Variants in PRKAR1B observed in about 807,000 individuals in gnomAD.
PRKAR1B encodes the protein cAMP-dependent protein kinase type I-beta regulatory subunit.
In PRKAR1B, 22 loss-of-function variants were observed where a neutral mutation model predicts 46.5. That is an observed-to-expected ratio of 0.47 (90% CI 0.34 to 0.68). The LOEUF is 0.68. Among genes scored for constraint, PRKAR1B ranks in the 30% least tolerant of loss-of-function variants. PRKAR1B has a pLI of 0.01. For synonymous variants in PRKAR1B, 259 were observed against 217.7 expected (o/e 1.19, Z -1.67); for missense variants, 445 against 535.6 (o/e 0.83, Z 1.67).
intron 4 of PRKAR1B, among the ~76,000 whole-genome samples, chr7:669,674 G>A (rs1264002818): frequency 6.6e-6 from 1 of 151,598 alleles, no homozygotes; most frequent in African/African-American, 2.4e-5. Context: ...TGAGGCAGGA[G>A]AATCACTTGA....
At chr7:552,568 C>T (rs1784312439) in intron 9 of PRKAR1B, among the ~76,000 whole-genome samples, 1 of 152,246 alleles carries the variant, frequency 6.6e-6, no homozygotes, top group African/African-American at 2.4e-5. Context: ...TTCCCGGCAC[C>T]TGTGACCAGG....
rs79934097 is a variant in PRKAR1B, at chr7:556,648, G to A, written c.892-5178C>T. On this transcript the variant is annotated intron_variant, in intron 9 of 10. Coordinates refer to ENST00000537384, the MANE Select transcript of PRKAR1B (RefSeq NM_001164760.2). ...CATCCCTCCCGGAAGGGGCTGTGGCGCGGCTGGACAGGAGGGGCCGAGGCC... is the reference window on the plus strand; with the variant it reads ...CATCCCTCCCGGAAGGGGCTGTGGCACGGCTGGACAGGAGGGGCCGAGGCC... Among the ~76,000 whole-genome samples the A allele has an allele frequency of 5.8e-3, 880 of 152,342 alleles. 3 individuals carry two copies. The highest frequency in any genetic ancestry group is 0.017 in the Middle Eastern group (5 of 294).
At chr7:634,627 G>T (rs1304324402) in intron 4 of PRKAR1B, among the ~76,000 whole-genome samples, 1 of 151,546 alleles carries the variant, frequency 6.6e-6, no homozygotes, top group Non-Finnish European at 1.5e-5. Context: ...TGGGGTCCTG[G>T]TGTCTGCAAC....
chr7:690,595 A>G (rs1051815875), intron 2 of PRKAR1B, among the ~76,000 whole-genome samples: 10 of 152,194 alleles, frequency 6.6e-5, no homozygotes, highest in African/African-American at 2.4e-4. Context: ...ACACAAACAA[A>G]TTGGAAGGAA....
intron 4 of PRKAR1B, among the ~76,000 whole-genome samples, chr7:610,235 T>C (rs191157805): frequency 1.8e-4 from 28 of 152,330 alleles, no homozygotes; most frequent in African/African-American, 6.5e-4. Context: ...CACGTGCTTC[T>C]ACCACAGCCT....
At chr7:670,772 G>A (rs540354389) in intron 4 of PRKAR1B, among the ~76,000 whole-genome samples, 5 of 128,690 alleles carry the variant, frequency 3.9e-5, no homozygotes, top group Non-Finnish European at 5.0e-5. Flanking sequence ...CACGGCATCC[G>A]GCAGAGGGGC....
At chr7:689,381 A>G (rs1779285326) in intron 2 of PRKAR1B, among the ~76,000 whole-genome samples, 1 of 152,132 alleles carries the variant, frequency 6.6e-6, no homozygotes, top group Admixed American at 6.6e-5. Flanking sequence ...TCAGCCTCCC[A>G]AAGTGCTGGG....
chr7:573,497 A>C (rs1779643249), intron 9 of PRKAR1B, among the ~76,000 whole-genome samples: 1 of 151,926 alleles, frequency 6.6e-6, no homozygotes. Flanking sequence ...GGCAGCCAGC[A>C]TCTGACCCCA....
rs139092966 is a variant in PRKAR1B at position 713,880 on chromosome 7, C to G, written c.-22-2353G>C. Among the ~76,000 whole-genome samples, 381 of 152,364 alleles carry G rather than the reference C, an allele frequency of 2.5e-3. 4 individuals carry two copies. Among genetic ancestry groups the G allele is most frequent in the African/African-American group, 8.5e-3 (353 of 41,590 alleles). Reference sequence around the variant, plus strand: ...ACACGAAGGTCCTTGGTCCTCAGCCCTCACCCTCAGCACCCACTGGCCCCA... The same window carrying G: ...ACACGAAGGTCCTTGGTCCTCAGCCGTCACCCTCAGCACCCACTGGCCCCA... On this transcript the variant is annotated intron_variant, in intron 1 of 10. Coordinates refer to ENST00000537384, the MANE Select transcript of PRKAR1B (RefSeq NM_001164760.2).
rs532491057 is a variant in PRKAR1B, at chr7:576,168, C to T, written c.891+3088G>A. Among the ~76,000 whole-genome samples the T allele has an allele frequency of 1.6e-4, 22 of 133,894 alleles. No homozygotes were observed. The South Asian group carries it at 3.6e-3, about 22-fold the overall frequency. 87.8% of individuals were successfully genotyped at this position (133,894 alleles called of 152,430 possible). ...ATCCTCTCCTCTGCAGACGGGCGGG[C>T]GTGCACGCTGGCATCCTCTCCTCTG... is the stretch of plus-strand genomic sequence containing the variant. On this transcript the variant is annotated intron_variant, in intron 9 of 10. Coordinates refer to ENST00000537384, the MANE Select transcript of PRKAR1B (RefSeq NM_001164760.2).
chr7:576,070 C>T (rs1487274561), intron 9 of PRKAR1B, among the ~76,000 whole-genome samples: 1 of 150,818 alleles, frequency 6.6e-6, no homozygotes, highest in African/African-American at 2.4e-5. Context: ...CACAGGCATC[C>T]TCTCCTCTGC....
chr7:615,961 AAAG>A (rs1456220165), intron 4 of PRKAR1B, among the ~76,000 whole-genome samples: 11 of 151,582 alleles, frequency 7.3e-5, no homozygotes, highest in African/African-American at 2.7e-4. Flanking sequence ...AAAAATAAAA[AAAG>A]AAACAGAAAG....
chr7:727,330 C>T (rs1255834653), upstream of PRKAR1B: 3 of 1,252,720 alleles, frequency 2.4e-6, no homozygotes, highest in African/African-American at 1.6e-5. Context: ...GCACCCCGGG[C>T]CCCGCTCCCA....
chr7:719,272 T>G (rs1236080666), intron 1 of PRKAR1B, among the ~76,000 whole-genome samples: 1 of 152,116 alleles, frequency 6.6e-6, no homozygotes, highest in Non-Finnish European at 1.5e-5. Flanking sequence ...ACTCCTGAGC[T>G]CAAGTGATCC....
At chr7:559,536 C>T (rs1426249154) in intron 9 of PRKAR1B, among the ~76,000 whole-genome samples, 1 of 152,210 alleles carries the variant, frequency 6.6e-6, no homozygotes, top group African/African-American at 2.4e-5. Context: ...GGGGCCGACG[C>T]CAGGGAAGCA....
chr7:631,972 GGGA>G, intron 4 of PRKAR1B, among the ~76,000 whole-genome samples: 1 of 150,876 alleles, frequency 6.6e-6, no homozygotes, highest in African/African-American at 2.4e-5. Flanking sequence ...AAAAAGCAGC[GGGA>G]GGAGAGCACC....
At chr7:683,635 A>G (rs549575509) in intron 2 of PRKAR1B, among the ~76,000 whole-genome samples, 6 of 152,330 alleles carry the variant, frequency 3.9e-5, no homozygotes, top group African/African-American at 1.4e-4. Context: ...GACATGAGTG[A>G]AGGGTCCCCA....
chr7:702,081 TACA>T (rs1346867249), intron 2 of PRKAR1B, among the ~76,000 whole-genome samples: 1 of 152,184 alleles, frequency 6.6e-6, no homozygotes, highest in African/African-American at 2.4e-5. Flanking sequence ...AGATGATACG[TACA>T]ACAACCAGAA....
chr7:619,987 C>G (rs1403423812), intron 4 of PRKAR1B, among the ~76,000 whole-genome samples: 1 of 151,276 alleles, frequency 6.6e-6, no homozygotes, highest in African/African-American at 2.4e-5. Context: ...AGTAGCTGGG[C>G]CTACAGGCAC....
Sources: allele counts gnomAD v4.1 joint callset (sites outside exome capture counted in the v4.1 genomes callset), GRCh38; gene constraint gnomAD v4.1.1; transcripts MANE v1.5; gene names NCBI Gene and HGNC (gene_info 2026-07-23, HGNC 2026-07-21).